Variants in GRID1 observed in about 807,000 individuals in gnomAD.
The protein encoded by GRID1 is glutamate receptor ionotropic, delta-1.
Under a neutral mutation model 98.0 loss-of-function variants are expected in GRID1, and 28 were observed. The ratio of observed to expected loss-of-function variants is 0.29; its 90% CI spans 0.21 to 0.39. The LOEUF (loss-of-function observed/expected upper bound fraction) is 0.39, where lower values mean the gene tolerates loss of function less well. Ranked by LOEUF, GRID1 falls within the 10% of genes least tolerant of loss-of-function variation. The probability of loss-of-function intolerance (pLI) is 1.00; values close to 1 mark genes in which losing one functional copy is unlikely to be tolerated. For missense variants in GRID1, 1,111 were observed against 1,340.5 expected, an observed-to-expected ratio of 0.83 and a Z score of 2.67; for synonymous variants, 553 against 538.5, an observed-to-expected ratio of 1.03 and a Z score of -0.37.
rs779085669 is a variant in GRID1 at position 85,916,224 on chromosome 10, G to C, written c.742C>G (p.Leu248Val). ...ACCCAGTGGCTGTCCTTGGAAGCCA[G>C]GTTGGTCTCCACGGCCTGCAGAGAG... is the stretch of plus-strand genomic sequence containing the variant. ...SFINEAVETN[L>V]ASKDSHWVFV... The change falls in exon 5 of 16, where the codon CTG becomes GTG. Residue 248 changes from leucine to valine, a missense_variant. Physicochemically the swap from Leu to Val is conservative, Grantham distance 32. Transcript: ENST00000327946. The surrounding 1 kb of genome is among the most constrained non-coding windows in gnomAD (Gnocchi z 4.0). The C allele has an allele frequency of 6.2e-7, 1 of 1,613,466 alleles. No homozygotes were observed.
chr10:85,673,661 T>C (rs974042734), intron 12 of GRID1, among the ~76,000 whole-genome samples: 1 of 152,248 alleles, frequency 6.6e-6, no homozygotes, highest in African/African-American at 2.4e-5. Context: ...TTAAAGTATG[T>C]ATATTTTTTA....
chr10:85,928,507 A>G (rs942147179), intron 4 of GRID1, among the ~76,000 whole-genome samples: 1 of 152,216 alleles, frequency 6.6e-6, no homozygotes, highest in Non-Finnish European at 1.5e-5. Context: ...CTCCAGCTGC[A>G]GAACTGGTGA....
chr10:86,289,314 A>T (rs1481696201), intron 2 of GRID1, among the ~76,000 whole-genome samples: 3 of 152,190 alleles, frequency 2.0e-5, no homozygotes, highest in Non-Finnish European at 4.4e-5. Context: ...CACTGCTGGC[A>T]AGGTCATCCC....
chr10:85,851,087 C>T lies in GRID1; in HGVS notation c.1233+3409G>A, dbSNP rs534499860. Among the ~76,000 whole-genome samples the T allele has an allele frequency of 1.6e-4, 24 of 152,280 alleles. No individual in the cohort carries two copies. The Middle Eastern group carries it at 0.01, about 65-fold the overall frequency. On this transcript the variant is annotated intron_variant, in intron 8 of 15. Coordinates refer to ENST00000327946, the MANE Select transcript of GRID1 (RefSeq NM_017551.3). ...ATTTACATGGACACGTTCATGGAAT[C>T]CTCTTTTGGAGATTCCTGTCTGAAC...
chr10:86,289,637 T>A (rs1847484263), intron 2 of GRID1, among the ~76,000 whole-genome samples: 1 of 151,804 alleles, frequency 6.6e-6, no homozygotes, highest in Non-Finnish European at 1.5e-5. Flanking sequence ...GGGCAGCCAC[T>A]CATCCATCCT....
chr10:85,672,164 T>C (rs1564554967), intron 12 of GRID1, among the ~76,000 whole-genome samples: 1 of 151,774 alleles, frequency 6.6e-6, no homozygotes, highest in Non-Finnish European at 1.5e-5. Context: ...AATGGCCTTC[T>C]ATTGGAAGAA....
chr10:85,617,705 G>A (rs1156558081), intron 14 of GRID1, among the ~76,000 whole-genome samples: 1 of 152,200 alleles, frequency 6.6e-6, no homozygotes, highest in African/African-American at 2.4e-5. Context: ...CATGCCTTCT[G>A]ATGAAAGCAA....
At chr10:86,144,142 G>A (rs1845051252) in intron 3 of GRID1, among the ~76,000 whole-genome samples, 1 of 152,144 alleles carries the variant, frequency 6.6e-6, no homozygotes, top group South Asian at 2.1e-4. Context: ...CTGAGAACAA[G>A]CCAGAACAAA....
At chr10:86,333,467 C>T (rs143899786) in intron 2 of GRID1, among the ~76,000 whole-genome samples, 185 of 152,362 alleles carry the variant, frequency 1.2e-3, no homozygotes, top group African/African-American at 4.3e-3. Context: ...GAATCCCCTG[C>T]ATTTAGCAGA....
intron 4 of GRID1, among the ~76,000 whole-genome samples, chr10:85,987,732 C>A (rs974764012): frequency 1.3e-5 from 2 of 151,578 alleles, no homozygotes; most frequent in African/African-American, 4.9e-5. Context: ...CATGCCAGTG[C>A]CCTTTTCCCA....
chr10:85,995,690 C>T (rs1208514542), intron 4 of GRID1, among the ~76,000 whole-genome samples: 1 of 152,240 alleles, frequency 6.6e-6, no homozygotes, highest in East Asian at 1.9e-4. Flanking sequence ...CTTTTATCCT[C>T]TAACCCTCTT....
At chr10:85,992,763 AAC>A (rs1159694853) in intron 4 of GRID1, among the ~76,000 whole-genome samples, 12 of 151,966 alleles carry the variant, frequency 7.9e-5, no homozygotes, top group Non-Finnish European at 7.4e-5. Context: ...CAGCCTAGGT[AAC>A]ATAGTGAGAC....
At chr10:86,033,274 T>A (rs1164315027) in intron 4 of GRID1, among the ~76,000 whole-genome samples, 1 of 152,134 alleles carries the variant, frequency 6.6e-6, no homozygotes, top group Non-Finnish European at 1.5e-5. Flanking sequence ...AAATTGCCCA[T>A]GATCTAATTA....
At chr10:85,732,623 C>T (rs1012118091) in intron 8 of GRID1, among the ~76,000 whole-genome samples, 21 of 152,176 alleles carry the variant, frequency 1.4e-4, no homozygotes, top group Non-Finnish European at 7.3e-5. Flanking sequence ...TCCCCCTAGA[C>T]CTTTGCAACA....
intron 4 of GRID1, among the ~76,000 whole-genome samples, chr10:86,032,091 C>T (rs571055011): frequency 2.0e-5 from 3 of 152,368 alleles, no homozygotes; most frequent in South Asian, 4.1e-4. Context: ...TTACCTGTCC[C>T]ACTTCACTGC....
At chr10:85,699,204 C>A (rs1339053768) in intron 12 of GRID1, among the ~76,000 whole-genome samples, 1 of 152,014 alleles carries the variant, frequency 6.6e-6, no homozygotes, top group Non-Finnish European at 1.5e-5. Context: ...AAGCATGCAC[C>A]ACCACACCTG....
chr10:85,643,935 C>T (rs765243805), intron 13 of GRID1: 46 of 152,268 alleles, frequency 3.0e-4, no homozygotes, highest in Non-Finnish European at 5.9e-4. Flanking sequence ...ATGAGTAAGA[C>T]TAAATATCAC....
chr10:85,945,152 T>C (rs545099539), intron 4 of GRID1, among the ~76,000 whole-genome samples: 17 of 152,308 alleles, frequency 1.1e-4, no homozygotes, highest in Admixed American at 9.8e-4. Context: ...CTTAGGTATT[T>C]AAAAATTATG....
chr10:86,315,217 T>C (rs192265896), intron 2 of GRID1, among the ~76,000 whole-genome samples: 1 of 152,264 alleles, frequency 6.6e-6, no homozygotes, highest in East Asian at 1.9e-4. Flanking sequence ...CATTGCCTTG[T>C]GGAGACCCCA....
Sources: allele counts gnomAD v4.1 joint callset (sites outside exome capture counted in the v4.1 genomes callset), GRCh38; gene constraint gnomAD v4.1.1; non-coding constraint Gnocchi (gnomAD v3.1); transcripts MANE v1.5; gene names NCBI Gene and HGNC (gene_info 2026-07-23, HGNC 2026-07-21).